Variants in PIP4K2A observed in about 807,000 individuals in gnomAD.
PIP4K2A encodes phosphatidylinositol-5-phosphate 4-kinase type 2 alpha.
In PIP4K2A, 14 loss-of-function variants were observed where a neutral mutation model predicts 42.9. The ratio of observed to expected loss-of-function variants is 0.33; its 90% CI spans 0.22 to 0.51. The LOEUF (loss-of-function observed/expected upper bound fraction) is 0.51, where lower values mean the gene tolerates loss of function less well. Among genes scored for constraint, PIP4K2A ranks in the 20% least tolerant of loss-of-function variants. The pLI is 0.97. For synonymous variants in PIP4K2A, 192 were observed against 192.2 expected, an observed-to-expected ratio of 1.00 and a Z score of 0.01; for missense variants, 434 against 519.8, an observed-to-expected ratio of 0.83 and a Z score of 1.61.
rs1236772126 is a variant in PIP4K2A, at chr10:22,646,921, CAAAACAAAACAA to C, written c.145-37216_145-37205del. 6.5e-3 allele frequency among the ~76,000 whole-genome samples: 534 copies of C among 81,952 alleles called. 4 individuals carry two copies. Among genetic ancestry groups the C allele is most frequent in the African/African-American group, 0.021 (485 of 23,100 alleles). The allele number at this position is 81,952 out of a possible 152,430, so 53.8% of individuals were successfully genotyped here. On this transcript the variant is annotated intron_variant, in intron 1 of 9. Transcript: ENST00000376573. ...TTCCTTCAGCAAAAACTCTTCAAGA[CAAAACAAAACAA>C]AAAACAAAACAAAACAAAACAAAAC...
chr10:22,542,931 G>C (rs999586934), intron 7 of PIP4K2A, among the ~76,000 whole-genome samples: 8 of 152,116 alleles, frequency 5.3e-5, no homozygotes, highest in Non-Finnish European at 8.8e-5. Context: ...CTCCGACCTT[G>C]GGCTCAGGGT....
rs1233851393 is a variant in PIP4K2A, at chr10:22,591,716, G to A, written c.405C>T (p.His135=). 1 of 1,613,678 alleles carries A rather than the reference G, an allele frequency of 6.2e-7. No homozygotes were observed. The highest frequency in any genetic ancestry group is 8.5e-7 in the Non-Finnish European group (1 of 1,179,780). Residue 135 remains histidine (H), a synonymous_variant, in exon 4 of 10, where the codon CAC becomes CAT. Transcript: ENST00000376573. The part of the protein sequence containing the change: ...DSQARSGARF[H]TSYDKRYIIK... ...TGATGTATCTTTTGTCGTAGGAAGT[G>A]TGAAAACGAGCTCCACTGCGGGCCT...
At chr10:22,578,380 T>C (rs1837171705) in intron 4 of PIP4K2A, among the ~76,000 whole-genome samples, 1 of 152,254 alleles carries the variant, frequency 6.6e-6, no homozygotes, top group Admixed American at 6.5e-5. Flanking sequence ...GAGATCTCAA[T>C]GACCTTTGAG....
intron 6 of PIP4K2A, among the ~76,000 whole-genome samples, chr10:22,562,367 T>A (rs1836732667): frequency 6.6e-6 from 1 of 152,054 alleles, no homozygotes; most frequent in Non-Finnish European, 1.5e-5. Context: ...GCTAACACGG[T>A]GAAACTCCGT....
chr10:22,549,704 G>GGT (rs1294645445), intron 7 of PIP4K2A, among the ~76,000 whole-genome samples: 1 of 151,594 alleles, frequency 6.6e-6, no homozygotes, highest in Non-Finnish European at 1.5e-5. Context: ...AGCCAGGCGT[G>GGT]GTGGCGGGTG....
chr10:22,664,116 C>CATATAT (rs751644558), intron 1 of PIP4K2A, among the ~76,000 whole-genome samples: 1 of 50,506 alleles, frequency 2.0e-5, no homozygotes, highest in Non-Finnish European at 3.3e-5. Context: ...TATATATATA[C>CATATAT]ATATATATAT....
intron 4 of PIP4K2A, among the ~76,000 whole-genome samples, chr10:22,589,011 T>C (rs1035582608): frequency 1.3e-5 from 2 of 152,226 alleles, no homozygotes; most frequent in African/African-American, 2.4e-5. Context: ...CAAATCCCTA[T>C]GTTAGGTTAC....
intron 5 of PIP4K2A, among the ~76,000 whole-genome samples, chr10:22,571,236 T>C (rs548016150): frequency 5.9e-5 from 9 of 152,330 alleles, no homozygotes; most frequent in Admixed American, 2.6e-4. Flanking sequence ...GATCTGGGCA[T>C]GTGACTGATG....
At chr10:22,685,579 T>C (rs1335088984) in intron 1 of PIP4K2A, among the ~76,000 whole-genome samples, 1 of 152,080 alleles carries the variant, frequency 6.6e-6, no homozygotes, top group African/African-American at 2.4e-5. Context: ...CTGGGCATGG[T>C]GGCATGTGCC....
rs1564459716 is a variant in PIP4K2A, at chr10:22,664,053, G to GTATATATACATATATATATATACGTATA, written c.144+50102_144+50129dup. Among the ~76,000 whole-genome samples, 114 of 55,532 alleles carry GTATATATACATATATATATATACGTATA rather than the reference G, an allele frequency of 2.1e-3. 1 individual carries two copies. The highest frequency in any genetic ancestry group is 3.3e-3 in the South Asian group (8 of 2,390). The allele number at this position is 55,532 out of a possible 152,430, so 36.4% of individuals were successfully genotyped here. A position where few individuals can be genotyped will look rare whatever the true frequency, so the allele number is the denominator to read the frequency against. ...TATACATATATATATATATACATAT[G>GTATATATACATATATATATATACGTATA]TATATATACATATATATATATACGT... On this transcript the variant is annotated intron_variant, in intron 1 of 9. Coordinates refer to ENST00000376573, the MANE Select transcript of PIP4K2A (RefSeq NM_005028.5).
At position 22,595,450 on chromosome 10, in the gene PIP4K2A, A is replaced by C. The variant is rs551349515; in HGVS notation, c.340-3669T>G. Among the ~76,000 whole-genome samples, 15 of 152,342 alleles carry C rather than the reference A, an allele frequency of 9.8e-5. No homozygotes were observed. The South Asian group carries it at 3.1e-3, about 32-fold the overall frequency. On this transcript the variant is annotated intron_variant, in intron 3 of 9. Transcript: ENST00000376573. The stretch of plus-strand genomic sequence containing the variant: ...TCATTTACTTTCTTGCCTTCTTCCA[A>C]GGCATGCAGCAGACATGTGTTTTTA...
chr10:22,539,741 C>A, intron 9 of PIP4K2A: 2 of 527,160 alleles, frequency 3.8e-6, no homozygotes, highest in Admixed American at 3.3e-5. Flanking sequence ...GAGCAGTAAG[C>A]GTTTGTGGGT....
intron 1 of PIP4K2A, among the ~76,000 whole-genome samples, chr10:22,618,546 A>G (rs16916117): frequency 6.6e-6 from 1 of 152,184 alleles, no homozygotes; most frequent in African/African-American, 2.4e-5. Context: ...ACAAAGGTTT[A>G]AAAAATGACC....
At chr10:22,541,299 A>AGAGGGC (rs1466584729) in intron 8 of PIP4K2A, among the ~76,000 whole-genome samples, 122 of 152,268 alleles carry the variant, frequency 8.0e-4, no homozygotes, top group African/African-American at 2.9e-3. Flanking sequence ...CCTGAGAGGG[A>AGAGGGC]GAGGGCTGTT....
At chr10:22,605,843 TA>T (rs5783801) in intron 3 of PIP4K2A, among the ~76,000 whole-genome samples, 98,361 of 146,094 alleles carry the variant, frequency 0.67, 32,910 homozygotes, top group East Asian at 0.92. Context: ...TTAATTCCTT[TA>T]AAAAAAAAAA....
chr10:22,675,322 T>TCA (rs1396971016), intron 1 of PIP4K2A, among the ~76,000 whole-genome samples: 3 of 152,202 alleles, frequency 2.0e-5, no homozygotes, highest in African/African-American at 4.8e-5. Flanking sequence ...GCACGGTGGC[T>TCA]CACACCTGTA....
intron 1 of PIP4K2A, among the ~76,000 whole-genome samples, chr10:22,685,529 T>C (rs1839746812): frequency 7.5e-6 from 1 of 133,872 alleles, no homozygotes; most frequent in African/African-American, 2.8e-5. Context: ...ACCCATTTTC[T>C]ATAAAAAACA....
intron 1 of PIP4K2A, among the ~76,000 whole-genome samples, chr10:22,627,580 C>T (rs1838467129): frequency 1.7e-5 from 1 of 58,432 alleles, no homozygotes; most frequent in African/African-American, 6.5e-5. Context: ...TAACCAAAAG[C>T]TAATATGTAA....
At chr10:22,609,816 G>T in intron 1 of PIP4K2A, 99 bp from the exon 2 acceptor site, 1 of 683,492 alleles carries the variant, frequency 1.5e-6, no homozygotes, top group Non-Finnish European at 2.5e-6. Flanking sequence ...GGTGGACACA[G>T]GAACTTCTCT....
Sources: allele counts gnomAD v4.1 joint callset (sites outside exome capture counted in the v4.1 genomes callset), GRCh38; gene constraint gnomAD v4.1.1; transcripts MANE v1.5; gene names NCBI Gene and HGNC (gene_info 2026-07-23, HGNC 2026-07-21).